Variants in TNNI1 observed in about 807,000 individuals in gnomAD.
The protein encoded by TNNI1 is troponin I1, slow skeletal type.
TNNI1 carries 14 observed loss-of-function variants against 26.7 expected under a neutral mutation model. The ratio of observed to expected loss-of-function variants is 0.52; its 90% CI spans 0.35 to 0.82. The LOEUF is 0.82. Ranked by LOEUF, TNNI1 falls within the 40% of genes least tolerant of loss-of-function variation. The probability of loss-of-function intolerance (pLI) is 0.01; values close to 1 mark genes in which losing one functional copy is unlikely to be tolerated. For synonymous variants in TNNI1, 79 were observed against 98.2 expected (o/e 0.80, Z 1.16); for missense variants, 164 against 257.0 (o/e 0.64, Z 2.47).
chr1:201,409,364 C>G (rs1375591375), intron 8 of TNNI1, 114 bp from the exon 9 acceptor site: 1 of 152,270 alleles, frequency 6.6e-6, no homozygotes, highest in East Asian at 1.9e-4. Context: ...CCTAGCGCAC[C>G]CCGGACTGGA....
At chr1:201,417,759 C>T (rs772157783) in intron 2 of TNNI1, 24 bp downstream of exon 2, 1 of 1,313,756 alleles carries the variant, frequency 7.6e-7, no homozygotes, top group Non-Finnish European at 9.8e-7. Flanking sequence ...TCCTGGGGCC[C>T]CAGATGGCAG....
rs1245131558 is a variant in TNNI1, at chr1:201,407,684, C to T, written c.*1569G>A. On this transcript the variant is annotated 3_prime_UTR_variant, in exon 9 of 9. Transcript: ENST00000361379. ...TAGGGTGGTCGAAAAGCCAAGGGAC[C>T]CCAGGTCTGGGAACAGCCACTTCCC... is the stretch of plus-strand genomic sequence containing the variant. 6.6e-6 allele frequency: 1 copy of T among 152,146 alleles called. No individual in the cohort carries two copies. The highest frequency in any genetic ancestry group is 1.5e-5 in the Non-Finnish European group (1 of 68,068). 9.4% of individuals were successfully genotyped at this position (152,146 alleles called of 1,614,324 possible).
chr1:201,413,041 G>C lies in TNNI1; in HGVS notation c.270C>G (p.Asn90Lys), dbSNP rs1662665099. 6.2e-7 allele frequency: 1 copy of C among 1,613,932 alleles called. No homozygotes were observed. The highest frequency in any genetic ancestry group is 8.5e-7 in the Non-Finnish European group (1 of 1,179,920). Residue 90 changes from asparagine to lysine, a missense_variant, in exon 6 of 9, where the codon AAC (asparagine) becomes AAG (lysine). By Grantham distance (94) the Asn-to-Lys change is moderately conservative. Around this residue, in one of 3 missense-constraint regions of TNNI1, gnomAD observed 117 missense variants for 158.7 expected, o/e 0.74. Transcript: ENST00000361379. ...CCTTCCTTAGACTCACCTCCCTGGTGTTGTGGAGGCATTTGGCCTCAATGT... is the reference window on the plus strand; with the variant it reads ...CCTTCCTTAGACTCACCTCCCTGGTCTTGTGGAGGCATTTGGCCTCAATGT... ...RYDIEAKCLH[N>K]TREIKDLKLK...
At chr1:201,419,123 TAAAAA>T (rs940065943) in intron 1 of TNNI1, among the ~76,000 whole-genome samples, 7 of 151,700 alleles carry the variant, frequency 4.6e-5, no homozygotes, top group African/African-American at 1.7e-4. Context: ...ACCCCGAACT[TAAAAA>T]AAAGTCAAAC....
At position 201,404,826 on chromosome 1, in the gene TNNI1, C is replaced by T. The variant is rs2102365984; in HGVS notation, c.*4427G>A. ...CACTCAGGGCGGGCAGACAGGTCAT[C>T]ACCCTGCATTCTGCATGCCCACGCA... On this transcript the variant is annotated 3_prime_UTR_variant, in exon 9 of 9. Transcript: ENST00000361379. The T allele has an allele frequency of 6.6e-6, 1 of 152,442 alleles. No homozygotes were observed. The highest frequency in any genetic ancestry group is 2.1e-4 in the South Asian group (1 of 4,830). 9.4% of individuals were successfully genotyped at this position (152,442 alleles called of 1,614,324 possible).
rs564593627 is a variant in TNNI1, at chr1:201,407,395, A to C, written c.*1858T>G. 6.6e-6 allele frequency: 1 copy of C among 152,322 alleles called. No homozygotes were observed. The highest frequency in any genetic ancestry group is 1.9e-4 in the East Asian group (1 of 5,184). 9.4% of individuals were successfully genotyped at this position (152,322 alleles called of 1,614,324 possible). ...TGCCTCTCTGCCCACTGACCTATTT[A>C]TAGCAAGAACCCTGGGCAGAGTGCT... is the stretch of plus-strand genomic sequence containing the variant. On this transcript the variant is annotated 3_prime_UTR_variant, in exon 9 of 9. Coordinates refer to ENST00000361379, the MANE Select transcript of TNNI1 (RefSeq NM_003281.4).
rs1333516040 is a variant in TNNI1, at chr1:201,407,132, G to C, written c.*2121C>G. 6.6e-6 allele frequency: 1 copy of C among 152,262 alleles called. No homozygotes were observed. Among genetic ancestry groups the C allele is most frequent in the Admixed American group, 6.5e-5 (1 of 15,288 alleles). The allele number at this position is 152,262 out of a possible 1,614,324, so 9.4% of individuals were successfully genotyped here. On this transcript the variant is annotated 3_prime_UTR_variant, in exon 9 of 9. Transcript: ENST00000361379. Reference sequence around the variant, plus strand: ...GAACTTGGGGCCAGGCTCTAGGGAAGAGCTGGAAAGAGGTGAAACAAGGAG... The same window carrying C: ...GAACTTGGGGCCAGGCTCTAGGGAACAGCTGGAAAGAGGTGAAACAAGGAG...
Position 201,411,785 on chromosome 1 carries a change from T to A in TNNI1, c.280-252A>T, listed in dbSNP as rs1662640401. 6.6e-6 allele frequency among the ~76,000 whole-genome samples: 1 copy of A among 152,206 alleles called. No individual in the cohort carries two copies. Among genetic ancestry groups the A allele is most frequent in the African/African-American group, 2.4e-5 (1 of 41,448 alleles). On this transcript the variant is annotated intron_variant, in intron 6 of 8. Transcript: ENST00000361379. The surrounding 1 kb of genome is among the most constrained non-coding windows in gnomAD (Gnocchi z 4.6). The stretch of plus-strand genomic sequence containing the variant: ...TCCACCTCAGACCATCAGGCATGAG[T>A]TTGATTCTCATAAGGAGCGTGCAAC...
intron 3 of TNNI1, 41 bp from the exon 4 acceptor site, chr1:201,415,295 G>A: frequency 6.2e-7 from 1 of 1,606,836 alleles, no homozygotes; most frequent in Non-Finnish European, 8.5e-7. Flanking sequence ...TGAGGCAGAG[G>A]CTGCAGAACT....
intron 2 of TNNI1, 107 bp from the exon 3 acceptor site, chr1:201,417,226 G>A: frequency 6.8e-7 from 1 of 1,463,048 alleles, no homozygotes; most frequent in Non-Finnish European, 9.6e-7. Context: ...CCAGCTTGGG[G>A]GAGGAGGGGG....
intron 5 of TNNI1, among the ~76,000 whole-genome samples, 185 bp downstream of exon 5, chr1:201,414,333 T>C (rs1015888245): frequency 1.3e-5 from 2 of 152,224 alleles, no homozygotes; most frequent in Non-Finnish European, 1.5e-5. Context: ...GCCCGTAAAA[T>C]GGAATCTAAT....
chr1:201,418,896 T>C (rs1157835634), intron 1 of TNNI1, among the ~76,000 whole-genome samples: 2 of 152,184 alleles, frequency 1.3e-5, no homozygotes, highest in Non-Finnish European at 2.9e-5. Flanking sequence ...TTGAATCCTT[T>C]GTCCTAACCA....
intron 4 of TNNI1, 37 bp downstream of exon 4, chr1:201,415,176 C>A: frequency 6.3e-7 from 1 of 1,589,478 alleles, no homozygotes; most frequent in Admixed American, 1.7e-5. Flanking sequence ...CTCTGCCTCC[C>A]ACTGGGCATC....
chr1:201,412,324 G>A (rs1662647362), intron 6 of TNNI1, among the ~76,000 whole-genome samples: 1 of 152,166 alleles, frequency 6.6e-6, no homozygotes, highest in African/African-American at 2.4e-5. Context: ...AATTCCCAGG[G>A]TGTGATCTCT....
chr1:201,416,608 G>T (rs1662744188), intron 3 of TNNI1, among the ~76,000 whole-genome samples: 1 of 152,312 alleles, frequency 6.6e-6, no homozygotes, highest in East Asian at 1.9e-4. Context: ...AGTCTGGAGT[G>T]TATAGAATGG....
intron 1 of TNNI1, among the ~76,000 whole-genome samples, chr1:201,420,437 G>T (rs377155523): frequency 2.6e-5 from 4 of 151,940 alleles, no homozygotes; most frequent in Admixed American, 2.0e-4. Context: ...CTCCCCCCGA[G>T]GGGGGGAGCA....
At position 201,411,435 on chromosome 1, in the gene TNNI1, G is replaced by A. The variant is rs1662634154; in HGVS notation, c.378C>T (p.Ala126=). The A allele has an allele frequency of 1.9e-6, 3 of 1,613,818 alleles. No homozygotes were observed. The highest frequency in any genetic ancestry group is 3.3e-4 in the Middle Eastern group (2 of 6,062). ...VRVSADAMLR[A]LLGSKHKVSM... The stretch of plus-strand genomic sequence containing the variant: ...ACACCTTGTGCTTGGAGCCCAGCAG[G>A]GCCCGGAGCATGGCGTCAGCCGAGA... Residue 126 remains alanine, a synonymous_variant, in exon 7 of 9, where the codon GCC becomes GCT. Transcript: ENST00000361379. This position sits in a 1 kb window ranked among gnomAD's most constrained non-coding sequence, Gnocchi z 4.6.
intron 2 of TNNI1, among the ~76,000 whole-genome samples, 184 bp from the exon 3 acceptor site, chr1:201,417,303 A>G (rs1027229692): frequency 6.6e-6 from 1 of 152,194 alleles, no homozygotes. Flanking sequence ...AGGTTCCGGC[A>G]GAATAAAATA....
rs1360446586 is a variant in TNNI1 at position 201,408,467 on chromosome 1, G to C, written c.*786C>G. The C allele has an allele frequency of 6.6e-6, 1 of 152,288 alleles. No individual in the cohort carries two copies. Among genetic ancestry groups the C allele is most frequent in the Non-Finnish European group, 1.5e-5 (1 of 68,102 alleles). The allele number at this position is 152,288 out of a possible 1,614,324, so 9.4% of individuals were successfully genotyped here. A position where few individuals can be genotyped will look rare whatever the true frequency, so the allele number is the denominator to read the frequency against. ...GTGCAGCAGGACTAGGTGAGGGATT[G>C]AAAGTGCCCTGACCTCTCAACCCAG... On this transcript the variant is annotated 3_prime_UTR_variant, in exon 9 of 9. Coordinates refer to ENST00000361379, the MANE Select transcript of TNNI1 (RefSeq NM_003281.4).
Sources: allele counts gnomAD v4.1 joint callset (sites outside exome capture counted in the v4.1 genomes callset), GRCh38; gene constraint gnomAD v4.1.1; regional missense constraint gnomAD v4.1.1; non-coding constraint Gnocchi (gnomAD v3.1); transcripts MANE v1.5; gene names NCBI Gene and HGNC (gene_info 2026-07-23, HGNC 2026-07-21).